The following FOCAD variants were observed in gnomAD, a reference collection of about 807,000 sequenced individuals.
The protein encoded by FOCAD is KIAA1797.
Under a neutral mutation model 225.6 loss-of-function variants are expected in FOCAD, and 198 were observed. The observed-to-expected ratio is 0.88, with a 90% CI of 0.78 to 0.99. The LOEUF is 0.99. FOCAD is among the 50% of genes least tolerant of loss of function. FOCAD has a pLI of 0.00. For synonymous variants in FOCAD, 897 were observed against 755.0 expected (o/e 1.19, Z -3.08); for missense variants, 2,713 against 2,123.6 (o/e 1.28, Z -5.46).
chr9:20,831,514 C>T (rs1825490292), intron 15 of FOCAD, among the ~76,000 whole-genome samples: 1 of 151,994 alleles, frequency 6.6e-6, no homozygotes, highest in Non-Finnish European at 1.5e-5. Context: ...GTAGGGGAAA[C>T]ATGGTGTTAA....
intron 6 of FOCAD, among the ~76,000 whole-genome samples, chr9:20,764,087 G>C (rs1341784998): frequency 6.6e-6 from 1 of 152,134 alleles, no homozygotes; most frequent in African/African-American, 2.4e-5. Context: ...AACACTGTAA[G>C]GGTTAACAGG....
intron 4 of FOCAD, among the ~76,000 whole-genome samples, chr9:20,723,349 G>A (rs1213321197): frequency 5.3e-5 from 8 of 152,226 alleles, no homozygotes; most frequent in Non-Finnish European, 8.8e-5. Flanking sequence ...TTAGCCGGGC[G>A]TGGTGACTTA....
rs7858445 is a variant in FOCAD, at chr9:20,700,324, T to A, written c.-32-14998T>A. Among the ~76,000 whole-genome samples, 338 of 152,184 alleles carry A rather than the reference T, an allele frequency of 2.2e-3. 1 individual carries two copies. The highest frequency in any genetic ancestry group is 7.7e-3 in the African/African-American group (319 of 41,536). ...GTTGTATTAAAGTAACAAAGACCCA[T>A]TTTCCATCTCTATTAGATTCAGCTG... is the stretch of plus-strand genomic sequence containing the variant. On this transcript the variant is annotated intron_variant, in intron 1 of 43. Transcript: ENST00000338382.
At position 20,964,922 on chromosome 9, in the gene FOCAD, T is replaced by C. The variant is rs1435702709; in HGVS notation, c.4133-11498T>C. Reference sequence around the variant, plus strand: ...TACCTGTTGGCAGGAGGGAGCAGGTTAGTGGGTCACTAGCCTAAGGAAATG... The same window carrying C: ...TACCTGTTGGCAGGAGGGAGCAGGTCAGTGGGTCACTAGCCTAAGGAAATG... On this transcript the variant is annotated intron_variant, in intron 35 of 43. Coordinates refer to ENST00000338382, the MANE Select transcript of FOCAD (RefSeq NM_001375567.1). Among the ~76,000 whole-genome samples the C allele has an allele frequency of 3.3e-5, 5 of 152,186 alleles. No homozygotes were observed. The East Asian group carries it at 7.7e-4, about 23-fold the overall frequency.
chr9:20,696,340 A>G (rs532119802), intron 1 of FOCAD, among the ~76,000 whole-genome samples: 1 of 152,114 alleles, frequency 6.6e-6, no homozygotes, highest in South Asian at 2.1e-4. Context: ...CCATACAGAC[A>G]CACACACACA....
intron 35 of FOCAD, among the ~76,000 whole-genome samples, chr9:20,963,293 C>G (rs78306012): frequency 2.0e-5 from 3 of 152,072 alleles, no homozygotes; most frequent in Admixed American, 1.3e-4. Flanking sequence ...TCAATTCTAG[C>G]GAATATAGAA....
At chr9:20,839,131 G>T (rs1826264081) in intron 15 of FOCAD, among the ~76,000 whole-genome samples, 1 of 151,250 alleles carries the variant, frequency 6.6e-6, no homozygotes, top group South Asian at 2.1e-4. Context: ...CCTATATAGG[G>T]GTGTGTGTGT....
intron 28 of FOCAD, among the ~76,000 whole-genome samples, chr9:20,942,329 G>T (rs2132303842): frequency 6.6e-6 from 1 of 152,206 alleles, no homozygotes; most frequent in South Asian, 2.1e-4. Context: ...TCAATCTAGG[G>T]GATAGAGATA....
intron 35 of FOCAD, among the ~76,000 whole-genome samples, chr9:20,973,876 T>C (rs7867561): frequency 0.03 from 2,829 of 94,610 alleles, 223 homozygotes; most frequent in African/African-American, 0.073. Context: ...GCTGTTTTCA[T>C]GTTTGCTGAC....
intron 23 of FOCAD, among the ~76,000 whole-genome samples, chr9:20,913,797 C>T (rs574952238): frequency 3.9e-5 from 6 of 152,172 alleles, no homozygotes; most frequent in Admixed American, 1.3e-4. Context: ...CCTATTTGCT[C>T]TTATCTTTTG....
chr9:20,899,798 T>C (rs1336534818), intron 21 of FOCAD, among the ~76,000 whole-genome samples: 2 of 151,894 alleles, frequency 1.3e-5, no homozygotes, highest in African/African-American at 4.8e-5. Flanking sequence ...TGGATTTTTT[T>C]TGTCTTTTCT....
Position 20,752,968 on chromosome 9 carries a change from G to A in FOCAD, c.393-5122G>A, listed in dbSNP as rs199542461. Among the ~76,000 whole-genome samples, 7 of 149,416 alleles carry A rather than the reference G, an allele frequency of 4.7e-5. No homozygotes were observed. The East Asian group carries it at 5.9e-4, about 13-fold the overall frequency. ...TGATTTGGCTCTCTGTTTGTCTGTT[G>A]TTGGTGTATAAGAATGCTTGTGATT... On this transcript the variant is annotated intron_variant, in intron 5 of 43. Coordinates refer to ENST00000338382, the MANE Select transcript of FOCAD (RefSeq NM_001375567.1).
In FOCAD at chr9:20,933,010, C is replaced by G; in HGVS notation, c.3318-4C>G. On this transcript the variant is annotated splice_region_variant and splice_polypyrimidine_tract_variant and intron_variant, in intron 27 of 43. Transcript: ENST00000338382. ...TTCATTGTTTCCCCTTGATCTTTAA[C>G]CAGTGATATATCTGGCCAAGAGATG... is the stretch of plus-strand genomic sequence containing the variant. The G allele has an allele frequency of 6.2e-7, 1 of 1,608,124 alleles. No individual in the cohort carries two copies. The highest frequency in any genetic ancestry group is 8.5e-7 in the Non-Finnish European group (1 of 1,174,928).
intron 28 of FOCAD, among the ~76,000 whole-genome samples, chr9:20,933,971 T>C (rs755354292): frequency 2.0e-5 from 3 of 152,092 alleles, no homozygotes; most frequent in Non-Finnish European, 4.4e-5. Context: ...ATGTTGAGCA[T>C]TTTTTTATAC....
chr9:20,700,665 A>G (rs1030040844), intron 1 of FOCAD, among the ~76,000 whole-genome samples: 1 of 152,074 alleles, frequency 6.6e-6, no homozygotes, highest in African/African-American at 2.4e-5. Context: ...TTATTTTTCT[A>G]CTTCTGGCTG....
Position 20,866,925 on chromosome 9 carries a change from C to CTTTT in FOCAD, c.2107-3_2107-2insTTTT. ...TTTTTTTTTTTTTTTTTTACCCTAT[C>CTTTT]TAGGACCCAATTGTAGCAAATGCTG... is the stretch of plus-strand genomic sequence containing the variant. On this transcript the variant is annotated splice_region_variant and splice_polypyrimidine_tract_variant and intron_variant, in intron 17 of 43. Coordinates refer to ENST00000338382, the MANE Select transcript of FOCAD (RefSeq NM_001375567.1). 5 of 289,378 alleles carry CTTTT rather than the reference C, an allele frequency of 1.7e-5. No homozygotes were observed. Among genetic ancestry groups the CTTTT allele is most frequent in the East Asian group, 8.2e-5 (1 of 12,234 alleles). 17.9% of individuals were successfully genotyped at this position (289,378 alleles called of 1,614,324 possible).
At chr9:20,920,203 C>G (rs1365410085) in intron 24 of FOCAD, among the ~76,000 whole-genome samples, 1 of 151,580 alleles carries the variant, frequency 6.6e-6, no homozygotes, top group East Asian at 1.9e-4. Flanking sequence ...CCAAAAAACA[C>G]ATGAAAAAAT....
Position 20,849,151 on chromosome 9 carries a change from G to C in FOCAD, c.1921-13427G>C, listed in dbSNP as rs142990641. 3.9e-3 allele frequency among the ~76,000 whole-genome samples: 598 copies of C among 152,000 alleles called. 5 individuals are homozygous for C. Among genetic ancestry groups the C allele is most frequent in the African/African-American group, 0.014 (575 of 41,524 alleles). ...TTCCAGTACCTCCTTCACTTCTCTTGAGTGAAAAGAGCCATGAAAAGCTTT... is the reference window on the plus strand; with the variant it reads ...TTCCAGTACCTCCTTCACTTCTCTTCAGTGAAAAGAGCCATGAAAAGCTTT... On this transcript the variant is annotated intron_variant, in intron 15 of 43. Coordinates refer to ENST00000338382, the MANE Select transcript of FOCAD (RefSeq NM_001375567.1).
At chr9:20,943,184 A>G (rs1473821937) in intron 28 of FOCAD, among the ~76,000 whole-genome samples, 12 of 152,204 alleles carry the variant, frequency 7.9e-5, no homozygotes, top group Admixed American at 7.2e-4. Flanking sequence ...AGCATGTTCT[A>G]TTGAGATCTT....
Sources: allele counts gnomAD v4.1 joint callset (sites outside exome capture counted in the v4.1 genomes callset), GRCh38; gene constraint gnomAD v4.1.1; transcripts MANE v1.5; gene names NCBI Gene and HGNC (gene_info 2026-07-23, HGNC 2026-07-21).